Variants in NUBP2 observed in about 807,000 individuals in gnomAD.
The protein encoded by NUBP2 is cytosolic Fe-S cluster assembly factor NUBP2.
A neutral mutation model predicts 24.9 loss-of-function variants in NUBP2; 23 were observed. The ratio of observed to expected loss-of-function variants is 0.92; its 90% CI spans 0.66 to 1.31. The LOEUF is 1.31. Among genes scored for constraint, NUBP2 ranks in the 50% most tolerant of loss-of-function variants. NUBP2 has a pLI of 0.00. For synonymous variants in NUBP2, 186 were observed against 170.9 expected (o/e 1.09, Z -0.69); for missense variants, 403 against 386.5 (o/e 1.04, Z -0.36).
In NUBP2 at chr16:1,786,867, C is replaced by G. The variant is rs748273243; in HGVS notation, c.246C>G (p.Asp82Glu). Residue 82 changes from aspartate (D) to glutamate (E), a missense_variant, in exon 3 of 7, where the codon GAC (aspartate) becomes GAG (glutamate). Asp to Glu is a conservative substitution (Grantham distance 45). Transcript: ENST00000262302. Reference sequence around the variant, plus strand: ...GCGGCTGGGCACCCGTCTTCCTGGACCGGGAGCAGAGCATCTCGCTCATGT... The same window carrying G: ...GCGGCTGGGCACCCGTCTTCCTGGAGCGGGAGCAGAGCATCTCGCTCATGT... ...CDRGWAPVFLDREQSISLMSV... is the reference protein window; with the variant it reads ...CDRGWAPVFLEREQSISLMSV... 5 of 1,589,772 alleles carry G rather than the reference C, an allele frequency of 3.1e-6. No individual in the cohort carries two copies.
At chr16:1,786,269 A>C in intron 1 of NUBP2, 1 of 508,730 alleles carries the variant, frequency 2.0e-6, no homozygotes, top group Non-Finnish European at 3.5e-6. Flanking sequence ...CAGCGAGAGG[A>C]GTTGGGCAGT....
chr16:1,784,046 T>C (rs1217230103), intron 1 of NUBP2: 3 of 984,172 alleles, frequency 3.0e-6, no homozygotes, highest in Non-Finnish European at 3.6e-6. Flanking sequence ...GTCCTTATTA[T>C]CAGGACGGAT....
chr16:1,783,233 G>A, intron 1 of NUBP2, 197 bp downstream of exon 1: 1 of 1,164,456 alleles, frequency 8.6e-7, no homozygotes, highest in Non-Finnish European at 1.1e-6. Flanking sequence ...GCTTCGATGT[G>A]GAAGCTCCGT....
chr16:1,783,192 T>G (rs1896803392), intron 1 of NUBP2, 156 bp downstream of exon 1: 1 of 1,175,104 alleles, frequency 8.5e-7, no homozygotes, highest in Non-Finnish European at 1.1e-6. Context: ...CGCGGGCATT[T>G]TCTAAACAGG....
At chr16:1,784,005 C>T in intron 1 of NUBP2, 1 of 985,104 alleles carries the variant, frequency 1.0e-6, no homozygotes, top group Non-Finnish European at 1.2e-6. Flanking sequence ...GTGCTGGAGT[C>T]TTATTCCAGA....
chr16:1,784,002 A>C (rs1896846589), intron 1 of NUBP2: 6 of 984,900 alleles, frequency 6.1e-6, no homozygotes, highest in South Asian at 4.7e-5. Context: ...CCAGTGCTGG[A>C]GTCTTATTCC....
Position 1,787,807 on chromosome 16 carries a change from G to A in NUBP2, c.465G>A (p.Gly155=), listed in dbSNP as rs569132102. Residue 155 remains glycine, a synonymous_variant, in exon 4 of 7, where the codon GGG becomes GGA. Coordinates refer to ENST00000262302, the MANE Select transcript of NUBP2 (RefSeq NM_012225.4). The stretch of plus-strand genomic sequence containing the variant: ...CCCTGCGTCCCTACCAGCCCCTGGG[G>A]GCCCTCGTGGTCACCACGCCCCAGG... ...IEALRPYQPL[G]ALVVTTPQAV... 357 of 1,611,580 alleles carry A rather than the reference G, an allele frequency of 2.2e-4. 3 individuals carry two copies. In the South Asian group the frequency reaches 3.7e-3, roughly 17 times the overall value.
At chr16:1,784,078 A>AC in intron 1 of NUBP2, 1 of 960,644 alleles carries the variant, frequency 1.0e-6, no homozygotes, top group Non-Finnish European at 1.2e-6. Flanking sequence ...TAAGGATATT[A>AC]CTGAGATTGA....
Position 1,783,000 on chromosome 16 carries a change from C to G in NUBP2, c.-21C>G, listed in dbSNP as rs1008531037. 1 of 1,399,702 alleles carries G rather than the reference C, an allele frequency of 7.1e-7. No individual in the cohort carries two copies. Among genetic ancestry groups the G allele is most frequent in the Non-Finnish European group, 9.3e-7 (1 of 1,072,742 alleles). The allele number at this position is 1,399,702 out of a possible 1,614,324, so 86.7% of individuals were successfully genotyped here. On this transcript the variant is annotated 5_prime_UTR_variant, in exon 1 of 7. Transcript: ENST00000262302. ...CGCGGGCGTAAGCGGACTGCAGCCG[C>G]GAGCTCCTGGAGGCGGCGGGATGGA...
rs757867836 is a variant in NUBP2, at chr16:1,788,030, C to T, written c.579C>T (p.Gly193=). 2.9e-5 allele frequency: 46 copies of T among 1,598,512 alleles called. No homozygotes were observed. Among genetic ancestry groups the T allele is most frequent in the Non-Finnish European group, 3.8e-5 (45 of 1,175,108 alleles). The change falls in exon 5 of 7, where the codon GGC becomes GGT. Residue 193 remains glycine (G), a synonymous_variant. Coordinates refer to ENST00000262302, the MANE Select transcript of NUBP2 (RefSeq NM_012225.4). Reference sequence around the variant, plus strand: ...TGGGAATCGTGGAGAATATGAGCGGCTTCACCTGCCCACACTGCACGGTGA... The same window carrying T: ...TGGGAATCGTGGAGAATATGAGCGGTTTCACCTGCCCACACTGCACGGTGA... ...RVMGIVENMS[G]FTCPHCTECT... is the part of the protein sequence containing the mutation.
At position 1,783,000 on chromosome 16, in the gene NUBP2, C is replaced by T. The variant is rs1008531037; in HGVS notation, c.-21C>T. Reference sequence around the variant, plus strand: ...CGCGGGCGTAAGCGGACTGCAGCCGCGAGCTCCTGGAGGCGGCGGGATGGA... The same window carrying T: ...CGCGGGCGTAAGCGGACTGCAGCCGTGAGCTCCTGGAGGCGGCGGGATGGA... On this transcript the variant is annotated 5_prime_UTR_variant, in exon 1 of 7. Coordinates refer to ENST00000262302, the MANE Select transcript of NUBP2 (RefSeq NM_012225.4). 27 of 1,399,582 alleles carry T rather than the reference C, an allele frequency of 1.9e-5. No homozygotes were observed. The highest frequency in any genetic ancestry group is 2.3e-5 in the Non-Finnish European group (25 of 1,072,748). The allele number at this position is 1,399,582 out of a possible 1,614,324, so 86.7% of individuals were successfully genotyped here. A position where few individuals can be genotyped will look rare whatever the true frequency, so the allele number is the denominator to read the frequency against.
rs945259013 is a variant in NUBP2 at position 1,788,144 on chromosome 16, A to C, written c.607A>C (p.Thr203Pro). Residue 203 changes from threonine (T) to proline (P), a missense_variant, in exon 6 of 7, where the codon ACC (threonine) becomes CCC (proline). Coordinates refer to ENST00000262302, the MANE Select transcript of NUBP2 (RefSeq NM_012225.4). ...GFTCPHCTECTSVFSRGGGEE... is the reference protein window; with the variant it reads ...GFTCPHCTECPSVFSRGGGEE... ...GCTCACCACCGTCTCCTAGGAGTGC[A>C]CCAGCGTCTTCTCCAGGGGCGGCGG... 1.9e-6 allele frequency: 3 copies of C among 1,549,332 alleles called. No homozygotes were observed. Among genetic ancestry groups the C allele is most frequent in the Non-Finnish European group, 2.6e-6 (3 of 1,152,412 alleles).
rs1269417388 is a variant in NUBP2 at position 1,788,947 on chromosome 16, G to T, written c.*233G>T. 1.3e-5 allele frequency: 7 copies of T among 532,190 alleles called. No homozygotes were observed. Among genetic ancestry groups the T allele is most frequent in the Non-Finnish European group, 2.3e-5 (7 of 308,038 alleles). 33.0% of individuals were successfully genotyped at this position (532,190 alleles called of 1,614,324 possible). A position where few individuals can be genotyped will look rare whatever the true frequency, so the allele number is the denominator to read the frequency against. On this transcript the variant is annotated 3_prime_UTR_variant, in exon 7 of 7. Transcript: ENST00000262302. Reference sequence around the variant, plus strand: ...GCTCTGCAGCTGTGAGACGGGGGCGGCCTGGGCTCTCTTCCCATCCATGTT... The same window carrying T: ...GCTCTGCAGCTGTGAGACGGGGGCGTCCTGGGCTCTCTTCCCATCCATGTT...
rs765603605 is a variant in NUBP2, at chr16:1,787,816, G to A, written c.474G>A (p.Val158=). ...LRPYQPLGAL[V]VTTPQAVSVG... ...CCTACCAGCCCCTGGGGGCCCTCGT[G>A]GTCACCACGCCCCAGGTAGCGCTGC... is the stretch of plus-strand genomic sequence containing the variant. The change falls in exon 4 of 7, where the codon GTG becomes GTA. Residue 158 remains valine (V), a synonymous_variant. Transcript: ENST00000262302. 1 of 1,611,176 alleles carries A rather than the reference G, an allele frequency of 6.2e-7. No individual in the cohort carries two copies. Among genetic ancestry groups the A allele is most frequent in the East Asian group, 2.2e-5 (1 of 44,856 alleles).
chr16:1,783,052 G>T lies in NUBP2; in HGVS notation c.16+16G>T. ...GCGGCGGCCGGTGAGTGGCGGGCCA[G>T]GGTGCGGAGCCGCTCCAGGGCCTCG... On this transcript the variant is annotated intron_variant, in intron 1 of 6. Transcript: ENST00000262302. The T allele has an allele frequency of 1.5e-6, 2 of 1,344,320 alleles. No homozygotes were observed. The highest frequency in any genetic ancestry group is 1.7e-5 in the South Asian group (1 of 58,102). 83.3% of individuals were successfully genotyped at this position (1,344,320 alleles called of 1,614,324 possible).
chr16:1,788,094 C>T (rs369769434), intron 5 of NUBP2, 43 bp downstream of exon 5: 349 of 1,556,988 alleles, frequency 2.2e-4, no homozygotes, highest in Non-Finnish European at 2.7e-4. Context: ...AGCACCTGGC[C>T]GGTGGGGGCT....
chr16:1,788,323 C>T, intron 6 of NUBP2, 116 bp downstream of exon 6: 2 of 1,147,336 alleles, frequency 1.7e-6, no homozygotes, highest in Non-Finnish European at 2.4e-6. Flanking sequence ...GAGCGGTTTC[C>T]TCCTCTCTTC....
At chr16:1,786,725 G>A (rs1202359927) in intron 2 of NUBP2, 32 bp from the exon 3 acceptor site, 1 of 1,610,980 alleles carries the variant, frequency 6.2e-7, no homozygotes, top group Admixed American at 1.7e-5. Flanking sequence ...GCCTGGCGGT[G>A]CCCCCGGCCT....
At chr16:1,785,623 G>A (rs1896924168) in intron 1 of NUBP2, 12 of 1,286,250 alleles carry the variant, frequency 9.3e-6, no homozygotes, top group African/African-American at 1.5e-5. Flanking sequence ...GTGGTCTCGG[G>A]GCTTTGTGTT....
Sources: gnomAD v4.1 joint callset for allele counts on GRCh38, gnomAD v4.1.1 for gene constraint, MANE v1.5 for transcripts, NCBI Gene and HGNC (gene_info 2026-07-23, HGNC 2026-07-21) for gene names.